NRXN1: variants seen among roughly 807,000 people sequenced by gnomAD.
NRXN1 encodes the protein neurexin 1, also known as neurexin-1.
In NRXN1, 39 loss-of-function variants were observed where a neutral mutation model predicts 150.9. The observed-to-expected ratio is 0.26, with a 90% CI of 0.20 to 0.34. NRXN1 has a LOEUF of 0.34. NRXN1 is among the 10% of genes least tolerant of loss of function. The pLI is 1.00. For missense variants in NRXN1, 1,815 were observed against 1,949.9 expected, an observed-to-expected ratio of 0.93 and a Z score of 1.30; for synonymous variants, 924 against 757.0, an observed-to-expected ratio of 1.22 and a Z score of -3.62.
At chr2:50,055,783 A>G (rs1392332961) in intron 19 of NRXN1, among the ~76,000 whole-genome samples, 10 of 152,186 alleles carry the variant, frequency 6.6e-5, no homozygotes, top group Non-Finnish European at 4.4e-5. Flanking sequence ...AAAAATAATT[A>G]TATGTATGTT....
At chr2:50,966,043 C>A (rs574253760) in intron 2 of NRXN1, among the ~76,000 whole-genome samples, 9 of 151,596 alleles carry the variant, frequency 5.9e-5, no homozygotes, top group Non-Finnish European at 1.2e-4. Context: ...ACAGCATTAT[C>A]AGCTTTTCAT....
chr2:50,881,995 T>C (rs557993837), intron 5 of NRXN1, among the ~76,000 whole-genome samples: 2 of 151,972 alleles, frequency 1.3e-5, no homozygotes, highest in African/African-American at 4.8e-5. Context: ...GTTCAGTGTC[T>C]GGAAGCAAAA....
At chr2:50,350,986 A>T (rs1328543228) in intron 17 of NRXN1, among the ~76,000 whole-genome samples, 1 of 152,190 alleles carries the variant, frequency 6.6e-6, no homozygotes, top group Non-Finnish European at 1.5e-5. Context: ...AAATGATTGT[A>T]ATTTTGTGGA....
At chr2:50,996,966 T>C (rs536461953) in intron 2 of NRXN1, among the ~76,000 whole-genome samples, 4 of 152,126 alleles carry the variant, frequency 2.6e-5, no homozygotes, top group East Asian at 3.9e-4. Context: ...TTTGACGCCA[T>C]AGGTTTCACG....
At chr2:50,674,418 C>A (rs1436752762) in intron 5 of NRXN1, among the ~76,000 whole-genome samples, 1 of 152,068 alleles carries the variant, frequency 6.6e-6, no homozygotes, top group Non-Finnish European at 1.5e-5. Flanking sequence ...ATCAAGGAGG[C>A]CTTCTCTCCA....
intron 18 of NRXN1, among the ~76,000 whole-genome samples, chr2:50,184,825 A>G (rs1170027516): frequency 1.3e-5 from 2 of 152,050 alleles, no homozygotes; most frequent in Non-Finnish European, 2.9e-5. Flanking sequence ...TAATGTAGGC[A>G]CACATATTAT....
intron 21 of NRXN1, among the ~76,000 whole-genome samples, chr2:50,044,349 C>T (rs945815605): frequency 3.3e-5 from 5 of 152,096 alleles, no homozygotes; most frequent in African/African-American, 1.2e-4. Flanking sequence ...GCTAAGGGGG[C>T]CGAGGCTACC....
At chr2:50,911,400 T>C (rs992903893) in intron 5 of NRXN1, among the ~76,000 whole-genome samples, 1 of 151,882 alleles carries the variant, frequency 6.6e-6, no homozygotes, top group African/African-American at 2.4e-5. Context: ...TTTTAAATCT[T>C]ACCATACATT....
chr2:50,929,858 T>C (rs1008128273), intron 2 of NRXN1, among the ~76,000 whole-genome samples: 4 of 152,028 alleles, frequency 2.6e-5, no homozygotes, highest in African/African-American at 9.7e-5. Flanking sequence ...TGAAAGCCTT[T>C]AAAAAACCTC....
chr2:50,781,465 C>T (rs1278048310), intron 5 of NRXN1, among the ~76,000 whole-genome samples: 1 of 151,712 alleles, frequency 6.6e-6, no homozygotes, highest in African/African-American at 2.4e-5. Flanking sequence ...TAGCCCTGAA[C>T]ATGTAGAAGA....
chr2:50,687,791 C>G (rs763220893), intron 5 of NRXN1, among the ~76,000 whole-genome samples: 7 of 152,200 alleles, frequency 4.6e-5, no homozygotes, highest in Non-Finnish European at 1.0e-4. Flanking sequence ...AAGTATTTCT[C>G]TGCAGGAGAC....
rs1277735787 is a variant in NRXN1 at position 50,308,525 on chromosome 2, T to G, written c.3365-71555A>C. 3.3e-5 allele frequency among the ~76,000 whole-genome samples: 5 copies of G among 151,996 alleles called. No homozygotes were observed. In the South Asian group the frequency reaches 6.2e-4, roughly 19 times the overall value. On this transcript the variant is annotated intron_variant, in intron 17 of 22. Coordinates refer to ENST00000401669, the MANE Select transcript of NRXN1 (RefSeq NM_001330078.2). ...TATTTTTTTTTAATTTTTTATTTTT[T>G]TCCAGTTTTTTGAGATGGGAGTCTT... is the stretch of plus-strand genomic sequence containing the variant.
At chr2:50,828,477 C>T (rs1387043323) in intron 5 of NRXN1, among the ~76,000 whole-genome samples, 10 of 148,550 alleles carry the variant, frequency 6.7e-5, no homozygotes, top group Non-Finnish European at 1.0e-4. Flanking sequence ...TCAGACGGGG[C>T]GGTTGCCAGG....
intron 15 of NRXN1, among the ~76,000 whole-genome samples, chr2:50,482,843 C>T (rs1048323670): frequency 6.6e-6 from 1 of 151,884 alleles, no homozygotes; most frequent in African/African-American, 2.4e-5. Flanking sequence ...GGCCTATAAT[C>T]CCAGCACTTT....
At chr2:50,252,258 C>CTTTTTTTTTT (rs143522284) in intron 17 of NRXN1, among the ~76,000 whole-genome samples, 4 of 69,708 alleles carry the variant, frequency 5.7e-5, no homozygotes, top group Non-Finnish European at 7.5e-5. Context: ...TTTTTCTTTT[C>CTTTTTTTTTT]TTTTTTTTTT....
At chr2:50,240,780 C>G (rs750409522) in intron 17 of NRXN1, among the ~76,000 whole-genome samples, 1 of 151,600 alleles carries the variant, frequency 6.6e-6, no homozygotes, top group Non-Finnish European at 1.5e-5. Context: ...AGAGCTCTAT[C>G]AGAATTACAT....
At chr2:50,304,919 G>A (rs1425993360) in intron 17 of NRXN1, among the ~76,000 whole-genome samples, 1 of 152,000 alleles carries the variant, frequency 6.6e-6, no homozygotes, top group Non-Finnish European at 1.5e-5. Flanking sequence ...TTGAAACCCC[G>A]TGTCTACTAA....
At chr2:50,762,504 C>G (rs1701912249) in intron 5 of NRXN1, among the ~76,000 whole-genome samples, 1 of 151,818 alleles carries the variant, frequency 6.6e-6, no homozygotes, top group South Asian at 2.1e-4. Context: ...CCCTCTCCCT[C>G]TAATAGTGCC....
chr2:50,100,499 T>A (rs1164127386), intron 18 of NRXN1, among the ~76,000 whole-genome samples: 1 of 152,088 alleles, frequency 6.6e-6, no homozygotes, highest in East Asian at 1.9e-4. Context: ...AATCTTGATA[T>A]CGGTATTTTA....
Sources: allele counts gnomAD v4.1 joint callset (sites outside exome capture counted in the v4.1 genomes callset), GRCh38; gene constraint gnomAD v4.1.1; transcripts MANE v1.5; gene names NCBI Gene and HGNC (gene_info 2026-07-23, HGNC 2026-07-21).